Variants in PLD5 observed in about 807,000 individuals in gnomAD.
The protein encoded by PLD5 is phospholipase D family member 5, also known as inactive phospholipase D5.
In PLD5, 36 loss-of-function variants were observed where a neutral mutation model predicts 61.1. The observed-to-expected ratio is 0.59, with a 90% CI of 0.45 to 0.78. The LOEUF (loss-of-function observed/expected upper bound fraction) is 0.78, where lower values mean the gene tolerates loss of function less well. Ranked by LOEUF, PLD5 falls within the 30% of genes least tolerant of loss-of-function variation. The pLI, the probability that PLD5 is intolerant of heterozygous loss-of-function variation, is 0.00. For synonymous variants in PLD5, 243 were observed against 242.8 expected (o/e 1.00, Z -0.01); for missense variants, 515 against 644.4 (o/e 0.80, Z 2.17).
intron 5 of PLD5, among the ~76,000 whole-genome samples, chr1:242,178,896 A>T (rs1667343117): frequency 6.6e-6 from 1 of 152,202 alleles, no homozygotes; most frequent in Non-Finnish European, 1.5e-5. Flanking sequence ...TGTGGGACGG[A>T]AAACAATTTG....
At chr1:242,488,052 C>A (rs1311280498) in intron 1 of PLD5, among the ~76,000 whole-genome samples, 3 of 152,034 alleles carry the variant, frequency 2.0e-5, no homozygotes, top group Non-Finnish European at 4.4e-5. Context: ...AGGCGGAGAT[C>A]CAAAACACTG....
chr1:242,464,950 A>G (rs568102271), intron 1 of PLD5, among the ~76,000 whole-genome samples: 108 of 152,348 alleles, frequency 7.1e-4, no homozygotes, highest in African/African-American at 2.5e-3. Context: ...AGAATATGTA[A>G]ATCTACAGAA....
At chr1:242,439,543 C>T (rs538836932) in intron 1 of PLD5, among the ~76,000 whole-genome samples, 1 of 152,228 alleles carries the variant, frequency 6.6e-6, no homozygotes, top group East Asian at 1.9e-4. Flanking sequence ...TGGTGAGCAG[C>T]TAGCGGTCCA....
intron 5 of PLD5, among the ~76,000 whole-genome samples, chr1:242,176,313 C>A (rs558101878): frequency 3.3e-5 from 5 of 152,270 alleles, no homozygotes; most frequent in African/African-American, 1.2e-4. Context: ...TTTGACAAAT[C>A]TGACCCAAAG....
At chr1:242,328,271 C>T (rs1348676009) in intron 2 of PLD5, among the ~76,000 whole-genome samples, 1 of 151,856 alleles carries the variant, frequency 6.6e-6, no homozygotes, top group Non-Finnish European at 1.5e-5. Flanking sequence ...TATACACACA[C>T]ATATATATTA....
At chr1:242,090,138 A>T (rs971878732) in intron 9 of PLD5, 28 bp from the exon 10 acceptor site, 1 of 1,612,244 alleles carries the variant, frequency 6.2e-7, no homozygotes, top group African/African-American at 1.3e-5. Flanking sequence ...AATAATGTTG[A>T]GGAGTTAGAG....
At chr1:242,389,785 T>C (rs1662818366) in intron 1 of PLD5, among the ~76,000 whole-genome samples, 1 of 152,032 alleles carries the variant, frequency 6.6e-6, no homozygotes, top group African/African-American at 2.4e-5. Context: ...CCTAATATAT[T>C]TAAGCATTCT....
At chr1:242,097,485 T>G (rs1474584901) in intron 9 of PLD5, among the ~76,000 whole-genome samples, 2 of 152,238 alleles carry the variant, frequency 1.3e-5, no homozygotes. Flanking sequence ...TTGATTTGCA[T>G]TTCTCTGATG....
chr1:242,131,534 A>G (rs370827953), intron 5 of PLD5, among the ~76,000 whole-genome samples: 1 of 152,198 alleles, frequency 6.6e-6, no homozygotes, highest in Non-Finnish European at 1.5e-5. Context: ...ATATGTCTAC[A>G]TGCATTTAAA....
intron 1 of PLD5, among the ~76,000 whole-genome samples, chr1:242,387,394 A>T (rs1662657731): frequency 6.6e-6 from 1 of 152,160 alleles, no homozygotes; most frequent in Non-Finnish European, 1.5e-5. Context: ...TACTGCAGGG[A>T]TAGAAAAATA....
chr1:242,090,807 G>A (rs1290285610), intron 9 of PLD5, among the ~76,000 whole-genome samples: 1 of 152,208 alleles, frequency 6.6e-6, no homozygotes, highest in East Asian at 1.9e-4. Context: ...TCCAGGTGTT[G>A]GGAGGGTTGA....
intron 4 of PLD5, among the ~76,000 whole-genome samples, chr1:242,242,228 G>A (rs6693221): frequency 0.24 from 36,553 of 151,812 alleles, 4,710 homozygotes; most frequent in African/African-American, 0.33. Flanking sequence ...AGGTCCTAGA[G>A]CTAGAATTGT....
At chr1:242,275,704 C>A (rs896952321) in intron 3 of PLD5, among the ~76,000 whole-genome samples, 1 of 152,124 alleles carries the variant, frequency 6.6e-6, no homozygotes, top group Admixed American at 6.5e-5. Flanking sequence ...CATCAATAAT[C>A]CAGCATAAGG....
chr1:242,470,331 C>G lies in PLD5; in HGVS notation c.189+53757G>C, dbSNP rs377527986. Among the ~76,000 whole-genome samples the G allele has an allele frequency of 4.1e-5, 6 of 146,482 alleles. No homozygotes were observed. In the South Asian group the frequency reaches 6.5e-4, roughly 16 times the overall value. On this transcript the variant is annotated intron_variant, in intron 1 of 9. Coordinates refer to ENST00000536534, the MANE Select transcript of PLD5 (RefSeq NM_001372062.1). ...CACTCCAGCTTGGGCGACAGAGCGA[C>G]ACTCGGTCTCAAAGAAAAAAAAAAA...
At position 242,395,081 on chromosome 1, in the gene PLD5, GTA is replaced by G. The variant is rs1198148984; in HGVS notation, c.190-46841_190-46840del. Among the ~76,000 whole-genome samples, 78 of 108,470 alleles carry G rather than the reference GTA, an allele frequency of 7.2e-4. 2 individuals are homozygous for G. Among genetic ancestry groups the G allele is most frequent in the African/African-American group, 2.0e-3 (60 of 29,720 alleles). The allele number at this position is 108,470 out of a possible 152,430, so 71.2% of individuals were successfully genotyped here. On this transcript the variant is annotated intron_variant, in intron 1 of 9. Transcript: ENST00000536534. ...TATATGTATATATATGAATATATAT[GTA>G]TATATATGAATATATATGTATGTAT... is the stretch of plus-strand genomic sequence containing the variant.
intron 1 of PLD5, among the ~76,000 whole-genome samples, chr1:242,394,114 GTA>G (rs1206639352): frequency 7.2e-6 from 1 of 138,104 alleles, no homozygotes; most frequent in South Asian, 2.2e-4. Flanking sequence ...ATATATATGA[GTA>G]TATATATGTG....
intron 5 of PLD5, chr1:242,209,143 C>G (rs1027290852): frequency 6.6e-6 from 1 of 152,248 alleles, no homozygotes. Context: ...TCTTTTCTTT[C>G]GGCTTCACAC....
At chr1:242,392,623 G>A (rs1378005101) in intron 1 of PLD5, among the ~76,000 whole-genome samples, 2 of 152,122 alleles carry the variant, frequency 1.3e-5, no homozygotes, top group Non-Finnish European at 2.9e-5. Context: ...AGGCTGATGG[G>A]CTGGCCCCTC....
intron 1 of PLD5, among the ~76,000 whole-genome samples, chr1:242,496,497 T>C (rs913135447): frequency 2.0e-5 from 3 of 152,220 alleles, no homozygotes; most frequent in Non-Finnish European, 4.4e-5. Context: ...CCACTGGCAG[T>C]TTTTTAAAAA....
Sources: gnomAD v4.1 joint callset for allele counts (sites outside exome capture counted in the v4.1 genomes callset) on GRCh38, gnomAD v4.1.1 for gene constraint, MANE v1.5 for transcripts, NCBI Gene and HGNC (gene_info 2026-07-23, HGNC 2026-07-21) for gene names.